TSPAN12: variants seen among roughly 807,000 people sequenced by gnomAD.
The protein encoded by TSPAN12 is tetraspanin-12.
Under a neutral mutation model 39.2 loss-of-function variants are expected in TSPAN12, and 19 were observed. The ratio of observed to expected loss-of-function variants is 0.49; its 90% CI spans 0.34 to 0.71. The LOEUF (loss-of-function observed/expected upper bound fraction) is 0.71, where lower values mean the gene tolerates loss of function less well. TSPAN12 is among the 30% of genes least tolerant of loss of function. The pLI, the probability that TSPAN12 is intolerant of heterozygous loss-of-function variation, is 0.01. For synonymous variants in TSPAN12, 119 were observed against 124.8 expected (o/e 0.95, Z 0.31); for missense variants, 314 against 359.9 (o/e 0.87, Z 1.03).
rs1009292855 is a variant in TSPAN12, at chr7:120,788,503, T to C, written c.*89A>G. 1.2e-5 allele frequency: 18 copies of C among 1,475,058 alleles called. No individual in the cohort carries two copies. Among genetic ancestry groups the C allele is most frequent in the Admixed American group, 1.7e-5 (1 of 58,802 alleles). The allele number at this position is 1,475,058 out of a possible 1,614,324, so 91.4% of individuals were successfully genotyped here. A position where few individuals can be genotyped will look rare whatever the true frequency, so the allele number is the denominator to read the frequency against. ...GTTATTTTATGGCAACATTTTTATT[T>C]CTACATATTTCTGAAACACATAGTA... On this transcript the variant is annotated 3_prime_UTR_variant, in exon 8 of 8. Coordinates refer to ENST00000222747, the MANE Select transcript of TSPAN12 (RefSeq NM_012338.4).
At chr7:120,829,390 T>A (rs981331964) in intron 4 of TSPAN12, among the ~76,000 whole-genome samples, 1 of 147,978 alleles carries the variant, frequency 6.8e-6, no homozygotes, top group Non-Finnish European at 1.5e-5. Flanking sequence ...TAACCATGAT[T>A]TTTTTTTTTT....
intron 6 of TSPAN12, among the ~76,000 whole-genome samples, chr7:120,807,137 T>C (rs980022613): frequency 2.0e-5 from 3 of 152,130 alleles, no homozygotes; most frequent in Admixed American, 2.0e-4. Context: ...TAAAAACATG[T>C]GTTGACCAAA....
intron 4 of TSPAN12, among the ~76,000 whole-genome samples, chr7:120,829,773 G>C (rs750642395): frequency 6.6e-6 from 1 of 152,124 alleles, no homozygotes; most frequent in Non-Finnish European, 1.5e-5. Flanking sequence ...AATGGATATG[G>C]AAATATTTGG....
intron 5 of TSPAN12, among the ~76,000 whole-genome samples, chr7:120,810,901 A>G (rs1462855615): frequency 1.3e-5 from 2 of 152,222 alleles, no homozygotes; most frequent in Non-Finnish European, 1.5e-5. Context: ...AGACTTTCAC[A>G]TAACAAATAA....
chr7:120,800,332 C>T (rs531934299), intron 7 of TSPAN12, among the ~76,000 whole-genome samples: 4 of 152,206 alleles, frequency 2.6e-5, no homozygotes, highest in African/African-American at 9.6e-5. Flanking sequence ...CTTTTTCAAC[C>T]GAACCTTGAC....
At chr7:120,841,405 G>C (rs1282540374) in intron 2 of TSPAN12, among the ~76,000 whole-genome samples, 1 of 148,106 alleles carries the variant, frequency 6.8e-6, no homozygotes, top group East Asian at 2.0e-4. Context: ...TTCTTGAATT[G>C]AAAAAAAAAA....
chr7:120,838,008 C>G (rs539594411), intron 4 of TSPAN12, among the ~76,000 whole-genome samples: 4 of 152,312 alleles, frequency 2.6e-5, no homozygotes, highest in African/African-American at 9.6e-5. Flanking sequence ...AATTAATACA[C>G]AGCCAGGGCT....
At chr7:120,797,105 C>T (rs942593778) in intron 7 of TSPAN12, among the ~76,000 whole-genome samples, 14 of 152,124 alleles carry the variant, frequency 9.2e-5, no homozygotes, top group Non-Finnish European at 1.5e-4. Flanking sequence ...TGCAGTGAGC[C>T]GAGATGGCGC....
intron 2 of TSPAN12, among the ~76,000 whole-genome samples, chr7:120,847,870 G>A (rs780353322): frequency 1.3e-4 from 20 of 151,830 alleles, no homozygotes; most frequent in Admixed American, 7.9e-4. Flanking sequence ...CATTTATTTC[G>A]TCTTCCCTCA....
At chr7:120,838,638 T>C (rs1794522020) in intron 4 of TSPAN12, 139 bp downstream of exon 4, 1 of 835,172 alleles carries the variant, frequency 1.2e-6, no homozygotes, top group African/African-American at 1.7e-5. Flanking sequence ...TCAAATAATC[T>C]CTTGTGAAAC....
At chr7:120,829,778 A>T (rs908172536) in intron 4 of TSPAN12, among the ~76,000 whole-genome samples, 8 of 152,328 alleles carry the variant, frequency 5.3e-5, no homozygotes, top group African/African-American at 1.9e-4. Flanking sequence ...ATATGGAAAT[A>T]TTTGGCTTAT....
rs149147826 is a variant in TSPAN12 at position 120,848,715 on chromosome 7, A to C, written c.66+7983T>G. 5.7e-3 allele frequency among the ~76,000 whole-genome samples: 869 copies of C among 152,282 alleles called. 8 individuals carry two copies. Among genetic ancestry groups the C allele is most frequent in the Non-Finnish European group, 8.0e-3 (542 of 68,024 alleles). On this transcript the variant is annotated intron_variant, in intron 2 of 7. Coordinates refer to ENST00000222747, the MANE Select transcript of TSPAN12 (RefSeq NM_012338.4). ...AAAATAAATAATAACACCAAGCCTT[A>C]CTCTATAGTAAACAAGCAACCCTGG...
chr7:120,806,186 C>T (rs1431894649), intron 7 of TSPAN12, among the ~76,000 whole-genome samples: 8 of 151,894 alleles, frequency 5.3e-5, no homozygotes, highest in Non-Finnish European at 1.2e-4. Context: ...TCTTAAAATA[C>T]GTATTCTGTC....
At chr7:120,790,369 C>A (rs558856794) in intron 7 of TSPAN12, among the ~76,000 whole-genome samples, 1 of 152,288 alleles carries the variant, frequency 6.6e-6, no homozygotes, top group Admixed American at 6.5e-5. Flanking sequence ...ATAGTGCTTA[C>A]CTGTCTGAGA....
Position 120,857,940 on chromosome 7 carries a change from G to C in TSPAN12, c.-191C>G, listed in dbSNP as rs1012268750. On this transcript the variant is annotated 5_prime_UTR_variant, in exon 1 of 8. Transcript: ENST00000222747. The stretch of plus-strand genomic sequence containing the variant: ...CGGAGGGCTGCATTGGCTTCAGCTG[G>C]AGACGCTTCTTTCTCTTCCTCTCCC... 6.5e-6 allele frequency: 1 copy of C among 153,152 alleles called. No individual in the cohort carries two copies. Among genetic ancestry groups the C allele is most frequent in the Non-Finnish European group, 1.5e-5 (1 of 68,844 alleles). The allele number at this position is 153,152 out of a possible 1,614,324, so 9.5% of individuals were successfully genotyped here. A position where few individuals can be genotyped will look rare whatever the true frequency, so the allele number is the denominator to read the frequency against.
At chr7:120,811,150 T>C (rs148179931) in intron 5 of TSPAN12, among the ~76,000 whole-genome samples, 4,151 of 152,288 alleles carry the variant, frequency 0.027, 182 homozygotes, top group African/African-American at 0.096. Context: ...TTGGTGGGAA[T>C]GTAAACTAGC....
chr7:120,789,210 G>C (rs1017260262), intron 7 of TSPAN12, among the ~76,000 whole-genome samples: 1 of 152,078 alleles, frequency 6.6e-6, no homozygotes, highest in East Asian at 1.9e-4. Flanking sequence ...TCTTTTTTTA[G>C]AGAGACAGAT....
rs146169968 is a variant in TSPAN12, at chr7:120,851,570, A to G, written c.66+5128T>C. On this transcript the variant is annotated intron_variant, in intron 2 of 7. Transcript: ENST00000222747. ...AGAACCATATTTATCTATATTTGCA[A>G]TAATAGAAAATTACCATCTAAGAAA... Among the ~76,000 whole-genome samples the G allele has an allele frequency of 5.5e-3, 842 of 152,332 alleles. 5 individuals are homozygous for G. The highest frequency in any genetic ancestry group is 0.019 in the African/African-American group (806 of 41,570).
chr7:120,824,109 T>A (rs1443870343), intron 4 of TSPAN12, among the ~76,000 whole-genome samples: 1 of 151,942 alleles, frequency 6.6e-6, no homozygotes, highest in East Asian at 1.9e-4. Context: ...ATAACAAAAA[T>A]ATAAAAAATG....
Sources: allele counts gnomAD v4.1 joint callset (sites outside exome capture counted in the v4.1 genomes callset), GRCh38; gene constraint gnomAD v4.1.1; transcripts MANE v1.5; gene names NCBI Gene and HGNC (gene_info 2026-07-23, HGNC 2026-07-21).